Variants in DSCAM observed in about 807,000 individuals in gnomAD.
The protein encoded by DSCAM is cell adhesion molecule DSCAM.
Under a neutral mutation model 217.7 loss-of-function variants are expected in DSCAM, and 47 were observed. The observed-to-expected ratio is 0.22, with a 90% confidence interval of 0.17 to 0.28. The LOEUF (loss-of-function observed/expected upper bound fraction) is 0.28, where lower values mean the gene tolerates loss of function less well. Ranked by LOEUF, DSCAM falls within the 10% of genes least tolerant of loss-of-function variation. DSCAM has a pLI of 1.00. For missense variants in DSCAM, 2,080 were observed against 2,618.3 expected (o/e 0.79, Z 4.49); for synonymous variants, 1,056 against 1,015.3 (o/e 1.04, Z -0.76).
chr21:40,112,858 T>C lies in DSCAM; in HGVS notation c.3696+11337A>G, dbSNP rs1019035193. On this transcript the variant is annotated intron_variant, in intron 20 of 32. Coordinates refer to ENST00000400454, the MANE Select transcript of DSCAM (RefSeq NM_001389.5). ...CTTGACAAATACACCCTCCCAAGAC[T>C]AAACCAGAAAGAAGTTGAATCTCTG... Among the ~76,000 whole-genome samples the C allele has an allele frequency of 5.2e-4, 79 of 152,250 alleles. 1 individual carries two copies. The highest frequency in any genetic ancestry group is 1.9e-3 in the African/African-American group (77 of 41,534).
chr21:40,672,058 A>C (rs1025461695), intron 3 of DSCAM, among the ~76,000 whole-genome samples: 8 of 152,182 alleles, frequency 5.3e-5, no homozygotes, highest in Admixed American at 3.3e-4. Context: ...CACATGGCAG[A>C]GAGAGAAAGA....
chr21:40,398,695 C>A (rs1601612910), intron 3 of DSCAM, among the ~76,000 whole-genome samples: 1 of 144,964 alleles, frequency 6.9e-6, no homozygotes, highest in South Asian at 2.2e-4. Context: ...AGTGCAGTGG[C>A]ATGATCTCAG....
At chr21:40,698,869 T>TAAA (rs56775350) in intron 2 of DSCAM, among the ~76,000 whole-genome samples, 192 of 107,956 alleles carry the variant, frequency 1.8e-3, no homozygotes, top group African/African-American at 5.8e-3. Flanking sequence ...GAATCCGTCT[T>TAAA]AAAAAAAAAA....
intron 2 of DSCAM, among the ~76,000 whole-genome samples, chr21:40,703,363 A>G (rs1019348145): frequency 1.3e-5 from 2 of 152,148 alleles, no homozygotes; most frequent in Non-Finnish European, 2.9e-5. Context: ...AAAAATAAAA[A>G]TAAAAATCAG....
At chr21:40,038,106 G>T (rs1568904769) in intron 32 of DSCAM, among the ~76,000 whole-genome samples, 2 of 151,768 alleles carry the variant, frequency 1.3e-5, no homozygotes, top group South Asian at 2.1e-4. Flanking sequence ...CATAAGCATG[G>T]GTAAGGACTT....
intron 8 of DSCAM, among the ~76,000 whole-genome samples, chr21:40,321,374 C>G (rs990131222): frequency 2.0e-5 from 3 of 152,246 alleles, no homozygotes; most frequent in African/African-American, 7.2e-5. Context: ...TCCCCTTAAT[C>G]TAAGCTTCTT....
At chr21:40,154,965 AATAG>A (rs2090460899) in intron 16 of DSCAM, among the ~76,000 whole-genome samples, 1 of 152,212 alleles carries the variant, frequency 6.6e-6, no homozygotes, top group African/African-American at 2.4e-5. Flanking sequence ...GAATGCTAGA[AATAG>A]ATTGATAATT....
intron 1 of DSCAM, among the ~76,000 whole-genome samples, chr21:40,786,257 G>A (rs28405085): frequency 4.1e-5 from 2 of 48,544 alleles, no homozygotes; most frequent in South Asian, 1.5e-3. Context: ...AAAGAAAGAA[G>A]GAAGGAAGGA....
At chr21:40,287,360 T>G (rs1367883478) in intron 10 of DSCAM, among the ~76,000 whole-genome samples, 5 of 152,230 alleles carry the variant, frequency 3.3e-5, no homozygotes, top group African/African-American at 1.2e-4. Context: ...CTTGAGGGAC[T>G]TAGGCTTGTC....
At chr21:40,820,056 A>G (rs1033714393) in intron 1 of DSCAM, among the ~76,000 whole-genome samples, 1 of 152,188 alleles carries the variant, frequency 6.6e-6, no homozygotes, top group African/African-American at 2.4e-5. Flanking sequence ...AGCTAGAACT[A>G]TAAAAAGCTC....
In DSCAM at chr21:40,725,796, C is replaced by G. The variant is rs1410238235; in HGVS notation, c.44-17025G>C. On this transcript the variant is annotated intron_variant, in intron 1 of 32. Coordinates refer to ENST00000400454, the MANE Select transcript of DSCAM (RefSeq NM_001389.5). ...GACCAAGGGCCTGCCTTTTCTGGAC[C>G]TCAGTGTGCAGCCATTTATAAAGCA... Among the ~76,000 whole-genome samples the G allele has an allele frequency of 4.6e-5, 7 of 152,220 alleles. No homozygotes were observed. In the East Asian group the frequency reaches 9.7e-4, roughly 21 times the overall value.
intron 20 of DSCAM, among the ~76,000 whole-genome samples, chr21:40,111,160 A>C (rs2146635847): frequency 6.6e-6 from 1 of 152,366 alleles, no homozygotes; most frequent in African/African-American, 2.4e-5. Flanking sequence ...AAGGGCAGCC[A>C]GAGAGAAAGG....
intron 10 of DSCAM, among the ~76,000 whole-genome samples, chr21:40,282,007 T>C (rs1029462542): frequency 1.2e-4 from 19 of 152,224 alleles, no homozygotes; most frequent in African/African-American, 4.1e-4. Context: ...TTTTCTCCTA[T>C]AAAATTAGAC....
chr21:40,837,679 G>T (rs2092068005), intron 1 of DSCAM, among the ~76,000 whole-genome samples: 1 of 152,168 alleles, frequency 6.6e-6, no homozygotes, highest in Admixed American at 6.5e-5. Context: ...CACATTTCTT[G>T]TGCATTTCCT....
chr21:40,270,762 C>A (rs575058985), intron 11 of DSCAM, among the ~76,000 whole-genome samples: 1 of 151,508 alleles, frequency 6.6e-6, no homozygotes, highest in Non-Finnish European at 1.5e-5. Flanking sequence ...GCTTGGGGGC[C>A]GCTTGGGGGC....
At chr21:40,841,338 G>A (rs1001692512) in intron 1 of DSCAM, among the ~76,000 whole-genome samples, 1 of 152,200 alleles carries the variant, frequency 6.6e-6, no homozygotes, top group African/African-American at 2.4e-5. Flanking sequence ...ACTCCGTGGG[G>A]CTGCTGGAAT....
At position 40,366,317 on chromosome 21, in the gene DSCAM, A is replaced by AT. The variant is rs1199982072; in HGVS notation, c.655+2781dup. ...CATCATCTTTGTCAGACATCTATAC[A>AT]TTTTTAACTCTATTTGTCTTATTCC... On this transcript the variant is annotated intron_variant, in intron 4 of 32. Coordinates refer to ENST00000400454, the MANE Select transcript of DSCAM (RefSeq NM_001389.5). Among the ~76,000 whole-genome samples, 26 of 152,050 alleles carry AT rather than the reference A, an allele frequency of 1.7e-4. 1 individual carries two copies. The highest frequency in any genetic ancestry group is 1.7e-3 in the Admixed American group (26 of 15,272).
intron 3 of DSCAM, among the ~76,000 whole-genome samples, chr21:40,571,939 C>T (rs1220069276): frequency 6.6e-6 from 1 of 152,188 alleles, no homozygotes; most frequent in African/African-American, 2.4e-5. Context: ...AAGAAATCCT[C>T]ATTGGAGAAT....
At chr21:40,425,841 A>C (rs2145884841) in intron 3 of DSCAM, among the ~76,000 whole-genome samples, 1 of 152,310 alleles carries the variant, frequency 6.6e-6, no homozygotes, top group Non-Finnish European at 1.5e-5. Context: ...GTGTATCCAT[A>C]AACATATATA....
Sources: gnomAD v4.1 joint callset for allele counts (sites outside exome capture counted in the v4.1 genomes callset) on GRCh38, gnomAD v4.1.1 for gene constraint, MANE v1.5 for transcripts, NCBI Gene and HGNC (gene_info 2026-07-23, HGNC 2026-07-21) for gene names.